The following AFF2 variants were observed in gnomAD, a reference collection of about 807,000 sequenced individuals.
AFF2 encodes AF4/FMR2 family member 2.
AFF2 carries 14 observed loss-of-function variants against 76.9 expected under a neutral mutation model. That is an observed-to-expected ratio of 0.18 (90% confidence interval 0.12 to 0.28). AFF2 has a LOEUF of 0.28. Among genes scored for constraint, AFF2 ranks in the 10% least tolerant of loss-of-function variants. The pLI is 1.00. For synonymous variants in AFF2, 398 were observed against 366.7 expected (o/e 1.09, Z -0.98); for missense variants, 868 against 1,001.1 (o/e 0.87, Z 1.79).
chrX:148,983,969 C>A (rs868921571), intron 19 of AFF2, among the ~76,000 whole-genome samples: 259 of 7,837 alleles, frequency 0.033, no homozygotes, highest in Non-Finnish European at 0.12. Flanking sequence ...AAAAAAAAAA[C>A]TGCCCTCATC....
intron 3 of AFF2, among the ~76,000 whole-genome samples, chrX:148,769,631 G>T (rs1425490456): frequency 3.6e-5 from 4 of 110,754 alleles, no homozygotes; most frequent in African/African-American, 1.3e-4. Flanking sequence ...TTCGCTCTGG[G>T]GTCTTTAGTT....
At chrX:148,830,176 G>C (rs1339751406) in intron 4 of AFF2, among the ~76,000 whole-genome samples, 1 of 111,948 alleles carries the variant, frequency 8.9e-6, no homozygotes, top group Non-Finnish European at 1.9e-5. Context: ...CTTCCCACAT[G>C]CCCTACTTCC....
intron 12 of AFF2, among the ~76,000 whole-genome samples, chrX:148,958,995 G>GA (rs3060071): frequency 6.7e-5 from 6 of 89,729 alleles, no homozygotes; most frequent in African/African-American, 2.6e-4. Flanking sequence ...CCAAGGGAAT[G>GA]AAAAAAAAAA....
chrX:148,551,595 T>C (rs1280599914), intron 1 of AFF2, among the ~76,000 whole-genome samples: 4 of 110,079 alleles, frequency 3.6e-5, no homozygotes, highest in Non-Finnish European at 5.7e-5. Flanking sequence ...TTAAAAGTTT[T>C]GTTCTGGAGA....
intron 9 of AFF2, among the ~76,000 whole-genome samples, chrX:148,950,189 G>A (rs1209173014): frequency 3.6e-5 from 4 of 112,232 alleles, no homozygotes; most frequent in South Asian, 3.8e-4. Flanking sequence ...CAATGTTTCA[G>A]TTTTGTACTC....
At chrX:148,548,469 C>A (rs1394524004) in intron 1 of AFF2, among the ~76,000 whole-genome samples, 3 of 111,794 alleles carry the variant, frequency 2.7e-5, no homozygotes, top group African/African-American at 9.8e-5. Context: ...GAGTTTTACT[C>A]TGTTGCTCAG....
chrX:148,954,851 C>G (rs889324514), intron 10 of AFF2, among the ~76,000 whole-genome samples: 24 of 111,874 alleles, frequency 2.1e-4, no homozygotes, highest in African/African-American at 4.9e-4. Context: ...TTGGCTGGTA[C>G]CATAAGCCTC....
intron 3 of AFF2, among the ~76,000 whole-genome samples, chrX:148,695,671 G>T (rs2054714157): frequency 8.9e-6 from 1 of 112,558 alleles, no homozygotes; most frequent in African/African-American, 3.2e-5. Context: ...TTTTGAATAA[G>T]AATACATAAA....
chrX:148,659,671 A>G (rs782795485), intron 2 of AFF2, among the ~76,000 whole-genome samples: 3 of 112,349 alleles, frequency 2.7e-5, no homozygotes, highest in Non-Finnish European at 3.8e-5. Flanking sequence ...TAAAGCTTGC[A>G]TCAGATTCTT....
At chrX:148,895,576 TGTG>T (rs2071274278) in intron 8 of AFF2, among the ~76,000 whole-genome samples, 1 of 102,026 alleles carries the variant, frequency 9.8e-6, no homozygotes, top group Non-Finnish European at 2.0e-5. Flanking sequence ...AGTGAGTGTG[TGTG>T]TGTGTGTGTG....
chrX:148,580,952 T>A (rs782019293), intron 1 of AFF2, among the ~76,000 whole-genome samples: 6 of 101,840 alleles, frequency 5.9e-5, no homozygotes, highest in Admixed American at 4.6e-4. Context: ...ATGTTGACAT[T>A]TGTACCACAT....
intron 1 of AFF2, among the ~76,000 whole-genome samples, chrX:148,568,473 T>C (rs2053193825): frequency 8.9e-6 from 1 of 112,286 alleles, no homozygotes; most frequent in African/African-American, 3.2e-5. Context: ...TTCTAAAGCC[T>C]AATCAGTACT....
intron 1 of AFF2, among the ~76,000 whole-genome samples, chrX:148,526,157 C>T (rs187228355): frequency 1.8e-5 from 2 of 111,344 alleles, no homozygotes; most frequent in African/African-American, 3.3e-5. Context: ...AATAACTTTA[C>T]CTTTGTTAAT....
intron 1 of AFF2, among the ~76,000 whole-genome samples, chrX:148,548,523 C>T (rs1557238458): frequency 2.7e-5 from 3 of 111,933 alleles, no homozygotes; most frequent in Admixed American, 9.5e-5. Flanking sequence ...CAGCCTCCGC[C>T]TCCCGAGTTC....
intron 2 of AFF2, among the ~76,000 whole-genome samples, chrX:148,659,171 A>G (rs2054281464): frequency 8.9e-6 from 1 of 112,357 alleles, no homozygotes. Flanking sequence ...TTTAATTTCA[A>G]GTATATTTTT....
In AFF2 at chrX:148,825,762, A is replaced by T. The variant is rs1458531047; in HGVS notation, c.1087-11885A>T. On this transcript the variant is annotated intron_variant, in intron 4 of 20. Coordinates refer to ENST00000370460, the MANE Select transcript of AFF2 (RefSeq NM_002025.4). ...TCTGACCAGGGTTTTTTTTTTTTTT[A>T]AATCATTTTGCACATTTCTTTCCTT... 1.8e-4 allele frequency among the ~76,000 whole-genome samples: 18 copies of T among 99,133 alleles called. No homozygotes were observed. The East Asian group carries it at 2.2e-3, about 12-fold the overall frequency. 86.1% of individuals were successfully genotyped at this position (99,133 alleles called of 115,157 possible). A position where few individuals can be genotyped will look rare whatever the true frequency, so the allele number is the denominator to read the frequency against.
At chrX:148,870,687 A>G (rs1446792702) in intron 7 of AFF2, among the ~76,000 whole-genome samples, 2 of 112,515 alleles carry the variant, frequency 1.8e-5, no homozygotes, top group Non-Finnish European at 3.8e-5. Flanking sequence ...AACAGCAGCT[A>G]TCTCTGTCAC....
At chrX:148,745,184 A>G (rs2055405553) in intron 3 of AFF2, among the ~76,000 whole-genome samples, 1 of 111,878 alleles carries the variant, frequency 8.9e-6, no homozygotes, top group Non-Finnish European at 1.9e-5. Context: ...TCTCATTGCC[A>G]TATAACTCAG....
chrX:148,588,189 G>A (rs781986775), intron 1 of AFF2, among the ~76,000 whole-genome samples: 3 of 112,968 alleles, frequency 2.7e-5, no homozygotes, highest in Admixed American at 9.3e-5. Context: ...AAATGTCAAC[G>A]TTAATCCAGA....
Sources: gnomAD v4.1 joint callset for allele counts (sites outside exome capture counted in the v4.1 genomes callset) on GRCh38, gnomAD v4.1.1 for gene constraint, MANE v1.5 for transcripts, NCBI Gene and HGNC (gene_info 2026-07-23, HGNC 2026-07-21) for gene names.